The following CD58 variants were observed in gnomAD, a reference collection of about 807,000 sequenced individuals.
CD58 encodes CD58 molecule.
A neutral mutation model predicts 27.6 loss-of-function variants in CD58; 14 were observed. The ratio of observed to expected loss-of-function variants is 0.51; its 90% CI spans 0.34 to 0.79. The LOEUF is 0.79. Among genes scored for constraint, CD58 ranks in the 30% least tolerant of loss-of-function variants. The pLI is 0.02. For missense variants in CD58, 268 were observed against 301.7 expected (o/e 0.89, Z 0.83); for synonymous variants, 117 against 103.8 (o/e 1.13, Z -0.77).
At chr1:116,568,690 T>A (rs1659026848) in intron 1 of CD58, among the ~76,000 whole-genome samples, 1 of 152,246 alleles carries the variant, frequency 6.6e-6, no homozygotes, top group Non-Finnish European at 1.5e-5. Context: ...ATTGCATGAC[T>A]GATGTTCCCA....
At chr1:116,566,127 A>C (rs1658924139) in intron 1 of CD58, among the ~76,000 whole-genome samples, 1 of 152,250 alleles carries the variant, frequency 6.6e-6, no homozygotes, top group African/African-American at 2.4e-5. Context: ...AAAAATCTTA[A>C]GTCGAACCAT....
intron 1 of CD58, among the ~76,000 whole-genome samples, chr1:116,558,916 G>A (rs1473403398): frequency 6.6e-6 from 1 of 152,196 alleles, no homozygotes; most frequent in Non-Finnish European, 1.5e-5. Flanking sequence ...AAATGTTCAT[G>A]GAGTCCTGCC....
chr1:116,544,681 T>C (rs755581917), intron 1 of CD58, 77 bp from the exon 2 acceptor site: 7 of 987,662 alleles, frequency 7.1e-6, no homozygotes, highest in African/African-American at 6.6e-5. Flanking sequence ...GTACTTTTTG[T>C]GCTAAGCTGA....
At chr1:116,568,779 T>C (rs1048916282) in intron 1 of CD58, among the ~76,000 whole-genome samples, 1 of 152,162 alleles carries the variant, frequency 6.6e-6, no homozygotes, top group Non-Finnish European at 1.5e-5. Flanking sequence ...GGTACTGAAG[T>C]GAAGAGAAGT....
chr1:116,530,998 T>C (rs977686211), intron 3 of CD58, among the ~76,000 whole-genome samples: 32 of 152,286 alleles, frequency 2.1e-4, no homozygotes, highest in African/African-American at 7.5e-4. Context: ...CAAAATCTGT[T>C]GTATATATGT....
At chr1:116,566,087 T>C (rs1658923069) in intron 1 of CD58, among the ~76,000 whole-genome samples, 1 of 152,208 alleles carries the variant, frequency 6.6e-6, no homozygotes, top group South Asian at 2.1e-4. Context: ...TATTATGGAG[T>C]TATATCTTGA....
At chr1:116,562,553 T>C (rs569783457) in intron 1 of CD58, among the ~76,000 whole-genome samples, 46 of 152,270 alleles carry the variant, frequency 3.0e-4, no homozygotes, top group African/African-American at 1.1e-3. Context: ...TACATGAGAC[T>C]GGGTAATTTA....
At chr1:116,553,464 G>C (rs896708446) in intron 1 of CD58, among the ~76,000 whole-genome samples, 1 of 152,164 alleles carries the variant, frequency 6.6e-6, no homozygotes, top group East Asian at 1.9e-4. Context: ...AAAACTGGGA[G>C]AACTAGATGA....
At chr1:116,555,682 A>T (rs1658537206) in intron 1 of CD58, among the ~76,000 whole-genome samples, 4 of 152,194 alleles carry the variant, frequency 2.6e-5, no homozygotes, top group Non-Finnish European at 4.4e-5. Context: ...GTTTCTACAA[A>T]ACATCAACAC....
In CD58 at chr1:116,552,366, A is replaced by G. The variant is rs1388215337; in HGVS notation, c.71-7762T>C. 6.6e-6 allele frequency among the ~76,000 whole-genome samples: 1 copy of G among 152,234 alleles called. No homozygotes were observed. Among genetic ancestry groups the G allele is most frequent in the Non-Finnish European group, 1.5e-5 (1 of 68,038 alleles). The stretch of plus-strand genomic sequence containing the variant: ...CAAAGATCACTGATCACAGATCACC[A>G]TAACAGATATGATAATGAAAAAGCG... On this transcript the variant is annotated intron_variant, in intron 1 of 5. Coordinates refer to ENST00000369489, the MANE Select transcript of CD58 (RefSeq NM_001779.3). This position sits in a 1 kb window ranked among gnomAD's most constrained non-coding sequence, Gnocchi z 4.5.
In CD58 at chr1:116,519,755, C is replaced by A. The variant is rs558705906; in HGVS notation, c.707-488G>T. ...ATGAGATATTTTATATTCTTTCACA[C>A]ACGGTCTTAGAAACATATTATTTTA... On this transcript the variant is annotated intron_variant, in intron 4 of 5. Transcript: ENST00000369489. The surrounding 1 kb of genome is among the most constrained non-coding windows in gnomAD (Gnocchi z 4.7). Among the ~76,000 whole-genome samples, 3 of 152,172 alleles carry A rather than the reference C, an allele frequency of 2.0e-5. No homozygotes were observed. Among genetic ancestry groups the A allele is most frequent in the Admixed American group, 1.3e-4 (2 of 15,288 alleles).
At position 116,531,556 on chromosome 1, in the gene CD58, T is replaced by C. The variant is rs1236052223; in HGVS notation, c.628+4409A>G. 6.6e-6 allele frequency among the ~76,000 whole-genome samples: 1 copy of C among 152,124 alleles called. No homozygotes were observed. Among genetic ancestry groups the C allele is most frequent in the Non-Finnish European group, 1.5e-5 (1 of 67,996 alleles). On this transcript the variant is annotated intron_variant, in intron 3 of 5. Transcript: ENST00000369489. The surrounding 1 kb of genome is among the most constrained non-coding windows in gnomAD (Gnocchi z 4.5). ...TGGGTATTATGTAACACTCAAAAGGTGGAATTAATAAAGGAATGTTTGCTC... is the reference window on the plus strand; with the variant it reads ...TGGGTATTATGTAACACTCAAAAGGCGGAATTAATAAAGGAATGTTTGCTC...
rs933989294 is a variant in CD58 at position 116,552,234 on chromosome 1, A to G, written c.71-7630T>C. On this transcript the variant is annotated intron_variant, in intron 1 of 5. Coordinates refer to ENST00000369489, the MANE Select transcript of CD58 (RefSeq NM_001779.3). This position sits in a 1 kb window ranked among gnomAD's most constrained non-coding sequence, Gnocchi z 4.5. ...CCAGGAGAAGGAGAAAGATGGGGAG[A>G]ACAGCCAGTCAGTGGAGCAGTCAGA... 6.6e-6 allele frequency among the ~76,000 whole-genome samples: 1 copy of G among 152,192 alleles called. No individual in the cohort carries two copies. Among genetic ancestry groups the G allele is most frequent in the South Asian group, 2.1e-4 (1 of 4,834 alleles).
Position 116,521,993 on chromosome 1 carries a change from A to G in CD58, c.629-10T>C. On this transcript the variant is annotated splice_polypyrimidine_tract_variant and intron_variant, in intron 3 of 5. Coordinates refer to ENST00000369489, the MANE Select transcript of CD58 (RefSeq NM_001779.3). The surrounding 1 kb of genome is among the most constrained non-coding windows in gnomAD (Gnocchi z 5.6). ...CTGTGTCTTGAATGACCTATAAAAA[A>G]GAAAAGAAAAGAAATTCAACTAGTT... is the stretch of plus-strand genomic sequence containing the variant. The G allele has an allele frequency of 1.4e-6, 2 of 1,435,334 alleles. No homozygotes were observed. Among genetic ancestry groups the G allele is most frequent in the Non-Finnish European group, 1.9e-6 (2 of 1,031,744 alleles). 88.9% of individuals were successfully genotyped at this position (1,435,334 alleles called of 1,614,324 possible).
rs1657165958 is a variant in CD58 at position 116,518,812 on chromosome 1, TC to T, written c.743+418del. The T allele has an allele frequency of 1.1e-5, 11 of 1,020,118 alleles. No homozygotes were observed. The South Asian group carries it at 3.9e-4, about 36-fold the overall frequency. The allele number at this position is 1,020,118 out of a possible 1,614,324, so 63.2% of individuals were successfully genotyped here. A position where few individuals can be genotyped will look rare whatever the true frequency, so the allele number is the denominator to read the frequency against. On this transcript the variant is annotated intron_variant, in intron 5 of 5. Transcript: ENST00000369489. Reference sequence around the variant, plus strand: ...CTCCTGAAGTGAACCCTATCCCTGATCCAACTTTTTCTGGGATGGGAGGTGG... The same window carrying T: ...CTCCTGAAGTGAACCCTATCCCTGATCAACTTTTTCTGGGATGGGAGGTGG...
intron 1 of CD58, among the ~76,000 whole-genome samples, chr1:116,551,507 G>C (rs892150587): frequency 6.6e-6 from 1 of 152,174 alleles, no homozygotes; most frequent in African/African-American, 2.4e-5. Flanking sequence ...GTCTTGCTCT[G>C]GATTAGGCTT....
chr1:116,554,736 C>T (rs1333024228), intron 1 of CD58, among the ~76,000 whole-genome samples: 1 of 151,972 alleles, frequency 6.6e-6, no homozygotes, highest in Non-Finnish European at 1.5e-5. Flanking sequence ...AAATATGTTA[C>T]TTTTGAAGAC....
chr1:116,568,326 T>C (rs181984874), intron 1 of CD58, among the ~76,000 whole-genome samples: 19 of 152,188 alleles, frequency 1.2e-4, no homozygotes, highest in Non-Finnish European at 2.8e-4. Flanking sequence ...ATGGCAAAAA[T>C]AACAAAGAAA....
rs1053780811 is a variant in CD58 at position 116,534,965 on chromosome 1, A to T, written c.628+1000T>A. Among the ~76,000 whole-genome samples, 2 of 152,168 alleles carry T rather than the reference A, an allele frequency of 1.3e-5. No homozygotes were observed. The highest frequency in any genetic ancestry group is 6.5e-5 in the Admixed American group (1 of 15,284). Reference sequence around the variant, plus strand: ...CTCTATTTGCCCTGGAATCCTGTTCACTATTTACAATTATATTATTCTGAA... The same window carrying T: ...CTCTATTTGCCCTGGAATCCTGTTCTCTATTTACAATTATATTATTCTGAA... On this transcript the variant is annotated intron_variant, in intron 3 of 5. Transcript: ENST00000369489. This position sits in a 1 kb window ranked among gnomAD's most constrained non-coding sequence, Gnocchi z 5.3.
Sources: allele counts gnomAD v4.1 joint callset (sites outside exome capture counted in the v4.1 genomes callset), GRCh38; gene constraint gnomAD v4.1.1; non-coding constraint Gnocchi (gnomAD v3.1); transcripts MANE v1.5; gene names NCBI Gene and HGNC (gene_info 2026-07-23, HGNC 2026-07-21).